Variants in CCDC39 observed in about 807,000 individuals in gnomAD.
The protein encoded by CCDC39 is coiled-coil domain-containing protein 39.
In CCDC39, 113 loss-of-function variants were observed where a neutral mutation model predicts 121.0. The observed-to-expected ratio is 0.93, with a 90% CI of 0.80 to 1.09. The LOEUF (loss-of-function observed/expected upper bound fraction) is 1.09. Among genes scored for constraint, CCDC39 ranks in the 50% least tolerant of loss-of-function variants. CCDC39 has a pLI of 0.00. For missense variants in CCDC39, 1,063 were observed against 1,074.7 expected (o/e 0.99, Z 0.15); for synonymous variants, 349 against 352.2 (o/e 0.99, Z 0.10).
chr3:180,616,756 A>G (rs888688224), intron 17 of CCDC39, 61 bp from the exon 18 acceptor site: 87 of 1,577,816 alleles, frequency 5.5e-5, no homozygotes, highest in Non-Finnish European at 6.2e-5. Flanking sequence ...AATATTTTTA[A>G]TAGATGAAGG....
chr3:180,654,366 C>A (rs2108426176), intron 7 of CCDC39, among the ~76,000 whole-genome samples: 1 of 151,600 alleles, frequency 6.6e-6, no homozygotes, highest in South Asian at 2.1e-4. Context: ...AGAAAAGCTC[C>A]TTGACATTGG....
At chr3:180,676,960 T>C (rs1383046311) in intron 1 of CCDC39, among the ~76,000 whole-genome samples, 1 of 150,458 alleles carries the variant, frequency 6.6e-6, no homozygotes, top group African/African-American at 2.4e-5. Flanking sequence ...AACACTTGGA[T>C]ACAGGAAGGG....
intron 11 of CCDC39, among the ~76,000 whole-genome samples, chr3:180,646,484 A>T (rs1281892131): frequency 6.6e-6 from 1 of 152,118 alleles, no homozygotes; most frequent in Non-Finnish European, 1.5e-5. Flanking sequence ...GTTTTATATT[A>T]CAAGAAACAT....
chr3:180,664,444 T>C (rs1224325041), intron 1 of CCDC39, among the ~76,000 whole-genome samples: 2 of 152,188 alleles, frequency 1.3e-5, no homozygotes, highest in African/African-American at 4.8e-5. Flanking sequence ...GACACAAACA[T>C]TAAAAACATA....
intron 6 of CCDC39, 58 bp from the exon 7 acceptor site, chr3:180,655,011 G>T: frequency 1.8e-6 from 2 of 1,105,850 alleles, no homozygotes; most frequent in Non-Finnish European, 2.4e-6. Flanking sequence ...AAAACTAAAA[G>T]GAATTTAGTT....
At chr3:180,651,562 A>C (rs951511993) in intron 8 of CCDC39, 29 bp from the exon 9 acceptor site, 2 of 1,493,850 alleles carry the variant, frequency 1.3e-6, no homozygotes, top group Non-Finnish European at 1.8e-6. Flanking sequence ...AAAAAGATAG[A>C]AAACGTGCCT....
Position 180,650,466 on chromosome 3 carries a change from T to G in CCDC39, c.1167+935A>C, listed in dbSNP as rs185050130. Among the ~76,000 whole-genome samples the G allele has an allele frequency of 0.018, 2,775 of 152,310 alleles. 83 individuals are homozygous for G. Among genetic ancestry groups the G allele is most frequent in the African/African-American group, 0.063 (2,631 of 41,552 alleles). On this transcript the variant is annotated intron_variant, in intron 9 of 19. Transcript: ENST00000476379. ...ACAAAGCCACTTTTTGAACTATTTG[T>G]ATGCAATATACAAATAGATATATGG...
At position 180,665,376 on chromosome 3, in the gene CCDC39, G is replaced by A. The variant is rs570950034; in HGVS notation, c.91-1390C>T. 5.9e-5 allele frequency among the ~76,000 whole-genome samples: 9 copies of A among 152,236 alleles called. No individual in the cohort carries two copies. In the East Asian group the frequency reaches 1.5e-3, roughly 26 times the overall value. ...ACAAAATAAAAATATGCTTTCTTGA[G>A]GTCTGGAGCTACAGTCCCCAAAGTC... On this transcript the variant is annotated intron_variant, in intron 1 of 19. Transcript: ENST00000476379.
intron 1 of CCDC39, among the ~76,000 whole-genome samples, chr3:180,676,146 G>A (rs574276165): frequency 1.9e-4 from 29 of 152,260 alleles, no homozygotes; most frequent in African/African-American, 7.0e-4. Flanking sequence ...TGACAAATGG[G>A]ATCTCATTAA....
At chr3:180,678,269 G>T (rs1262278845) in intron 1 of CCDC39, among the ~76,000 whole-genome samples, 1 of 152,110 alleles carries the variant, frequency 6.6e-6, no homozygotes, top group Non-Finnish European at 1.5e-5. Flanking sequence ...GGGAAAAATT[G>T]CAGTCTTCTA....
intron 14 of CCDC39, among the ~76,000 whole-genome samples, chr3:180,623,078 TTTA>T (rs60546376): frequency 0.13 from 18,510 of 144,856 alleles, 1,531 homozygotes; most frequent in African/African-American, 0.24. Flanking sequence ...TTTGGAGATT[TTTA>T]TTATTATTAT....
intron 1 of CCDC39, among the ~76,000 whole-genome samples, chr3:180,677,962 T>C (rs1356894099): frequency 6.6e-6 from 1 of 152,204 alleles, no homozygotes; most frequent in Non-Finnish European, 1.5e-5. Flanking sequence ...TTTTCTTCTT[T>C]ATATGGCTCT....
In CCDC39 at chr3:180,655,250, A is replaced by C. The variant is rs555199109; in HGVS notation, c.739-297T>G. 1.1e-4 allele frequency among the ~76,000 whole-genome samples: 17 copies of C among 152,274 alleles called. 1 individual carries two copies. Among genetic ancestry groups the C allele is most frequent in the African/African-American group, 4.1e-4 (17 of 41,582 alleles). ...ATGAAAGGTAAAAACCTACAAATGT[A>C]ACAGTGTTGAATATTTTTCACATGG... On this transcript the variant is annotated intron_variant, in intron 6 of 19. Coordinates refer to ENST00000476379, the MANE Select transcript of CCDC39 (RefSeq NM_181426.2).
chr3:180,640,872 T>C (rs1168903252), intron 13 of CCDC39, among the ~76,000 whole-genome samples: 1 of 152,070 alleles, frequency 6.6e-6, no homozygotes, highest in African/African-American at 2.4e-5. Flanking sequence ...AATTCCACTC[T>C]TTTAGAAACA....
intron 14 of CCDC39, among the ~76,000 whole-genome samples, chr3:180,624,188 C>A (rs915057366): frequency 6.6e-5 from 10 of 152,186 alleles, no homozygotes; most frequent in African/African-American, 2.2e-4. Flanking sequence ...TCTTTGTCTT[C>A]TTTTACTGTT....
chr3:180,627,437 A>G (rs1485094028), intron 14 of CCDC39, among the ~76,000 whole-genome samples: 2 of 152,214 alleles, frequency 1.3e-5, no homozygotes, highest in African/African-American at 4.8e-5. Context: ...CAAATGAAGG[A>G]GTTGAATTTG....
chr3:180,633,607 G>A (rs1717754341), intron 13 of CCDC39, among the ~76,000 whole-genome samples: 1 of 151,956 alleles, frequency 6.6e-6, no homozygotes, highest in Non-Finnish European at 1.5e-5. Context: ...GAATATCTGA[G>A]AAAGTAAAAT....
At chr3:180,661,470 T>C (rs946031824) in intron 3 of CCDC39, among the ~76,000 whole-genome samples, 1 of 152,046 alleles carries the variant, frequency 6.6e-6, no homozygotes, top group African/African-American at 2.4e-5. Context: ...AGTTTAATGT[T>C]AGAGTCACAA....
Position 180,663,987 on chromosome 3 carries a change from C to T in CCDC39, c.91-1G>A, listed in dbSNP as rs1339466251. The T allele has an allele frequency of 1.2e-6, 2 of 1,609,754 alleles. No homozygotes were observed. The highest frequency in any genetic ancestry group is 1.7e-6 in the Non-Finnish European group (2 of 1,178,694). On this transcript the variant is annotated splice_acceptor_variant, in intron 1 of 19. Coordinates refer to ENST00000476379, the MANE Select transcript of CCDC39 (RefSeq NM_181426.2). LOFTEE classifies it high-confidence loss of function. ...CTCTTTCATCCTTCAGCTTTGACAA[C>T]TGTAAATAATAAATACTATGATTAA...
Sources: allele counts gnomAD v4.1 joint callset (sites outside exome capture counted in the v4.1 genomes callset), GRCh38; gene constraint gnomAD v4.1.1; transcripts MANE v1.5; gene names NCBI Gene and HGNC (gene_info 2026-07-23, HGNC 2026-07-21).